SLC41A3: variants seen among roughly 807,000 people sequenced by gnomAD.
SLC41A3 encodes the protein solute carrier family 41 member 3.
SLC41A3 carries 44 observed loss-of-function variants against 45.4 expected under a neutral mutation model. That is an observed-to-expected ratio of 0.97 (90% confidence interval 0.76 to 1.25). SLC41A3 has a LOEUF of 1.25. Ranked by LOEUF, SLC41A3 falls within the 50% of genes most tolerant of loss-of-function variation. The pLI, the probability that SLC41A3 is intolerant of heterozygous loss-of-function variation, is 0.00. For synonymous variants in SLC41A3, 256 were observed against 252.4 expected, an observed-to-expected ratio of 1.01 and a Z score of -0.13; for missense variants, 550 against 600.6, an observed-to-expected ratio of 0.92 and a Z score of 0.88.
At chr3:126,028,608 A>T (rs1941555755) in intron 4 of SLC41A3, among the ~76,000 whole-genome samples, 1 of 152,246 alleles carries the variant, frequency 6.6e-6, no homozygotes, top group Non-Finnish European at 1.5e-5. Context: ...CCCCCCACAC[A>T]GTTCCCACTG....
intron 3 of SLC41A3, among the ~76,000 whole-genome samples, chr3:126,042,740 G>GA (rs1307605627): frequency 1.3e-5 from 2 of 152,048 alleles, no homozygotes; most frequent in Non-Finnish European, 2.9e-5. Context: ...TACTGGAACT[G>GA]AAAAACACAA....
At chr3:126,023,131 C>T in intron 5 of SLC41A3, 199 bp from the exon 6 acceptor site, 1 of 640,724 alleles carries the variant, frequency 1.6e-6, no homozygotes, top group Non-Finnish European at 2.6e-6. Context: ...TCCCACTACA[C>T]TGGAGGCCTG....
intron 5 of SLC41A3, chr3:126,024,122 G>A (rs1348215528): frequency 6.6e-6 from 1 of 152,220 alleles, no homozygotes; most frequent in East Asian, 1.9e-4. Flanking sequence ...ACTACCCTGA[G>A]GCTTCTGTGA....
At chr3:126,044,958 TA>T (rs1258535674) in intron 3 of SLC41A3, among the ~76,000 whole-genome samples, 1 of 63,562 alleles carries the variant, frequency 1.6e-5, no homozygotes, top group Non-Finnish European at 3.3e-5. Context: ...CACAAGGGAG[TA>T]AAACTAGAAA....
intron 2 of SLC41A3, among the ~76,000 whole-genome samples, chr3:126,055,594 T>A (rs1030714334): frequency 4.6e-5 from 7 of 152,202 alleles, no homozygotes; most frequent in Non-Finnish European, 1.0e-4. Flanking sequence ...TCTTGAAAGG[T>A]CCACAGCAGC....
At chr3:126,078,381 G>A (rs983750040) in intron 1 of SLC41A3, among the ~76,000 whole-genome samples, 1 of 152,188 alleles carries the variant, frequency 6.6e-6, no homozygotes, top group Non-Finnish European at 1.5e-5. Flanking sequence ...AGCTAGTGGA[G>A]AAGAAAGGAG....
At chr3:126,072,434 CAA>C (rs1944667605) in intron 1 of SLC41A3, among the ~76,000 whole-genome samples, 1 of 146,932 alleles carries the variant, frequency 6.8e-6, no homozygotes, top group Non-Finnish European at 1.5e-5. Flanking sequence ...ACAAAACTGA[CAA>C]TCCTTTATGT....
chr3:126,057,214 G>T (rs1576325866), intron 2 of SLC41A3: 4 of 961,060 alleles, frequency 4.2e-6, no homozygotes, highest in Non-Finnish European at 5.0e-6. Flanking sequence ...CAGCCAGGGG[G>T]TTCATGGCCA....
chr3:126,017,466 T>C (rs1940419817), intron 6 of SLC41A3, among the ~76,000 whole-genome samples: 1 of 152,206 alleles, frequency 6.6e-6, no homozygotes, highest in African/African-American at 2.4e-5. Flanking sequence ...TCTCATCTTC[T>C]CCACTGGCGA....
In SLC41A3 at chr3:126,056,879, T is replaced by C. The variant is rs1190987456; in HGVS notation, c.274-5829A>G. 6.0e-6 allele frequency: 7 copies of C among 1,161,408 alleles called. No homozygotes were observed. In the East Asian group the frequency reaches 1.9e-4, roughly 32 times the overall value. 71.9% of individuals were successfully genotyped at this position (1,161,408 alleles called of 1,614,324 possible). A position where few individuals can be genotyped will look rare whatever the true frequency, so the allele number is the denominator to read the frequency against. ...GGGACCTCCCTCTGCCAGTCTGCCATGGAGGCTCATGGTCCCTCTGCACCG... is the reference window on the plus strand; with the variant it reads ...GGGACCTCCCTCTGCCAGTCTGCCACGGAGGCTCATGGTCCCTCTGCACCG... On this transcript the variant is annotated intron_variant, in intron 2 of 10. Transcript: ENST00000360370.
intron 2 of SLC41A3, among the ~76,000 whole-genome samples, chr3:126,057,330 T>G (rs4546107): frequency 0.66 from 100,194 of 152,058 alleles, 33,268 homozygotes; most frequent in Middle Eastern, 0.72. Flanking sequence ...CAGCTACAAA[T>G]GTCAGACTGG....
intron 3 of SLC41A3, among the ~76,000 whole-genome samples, chr3:126,042,868 T>A (rs1430096455): frequency 6.6e-6 from 1 of 151,892 alleles, no homozygotes; most frequent in African/African-American, 2.4e-5. Context: ...CAAAAATAAA[T>A]AAGATTTAAG....
At chr3:126,066,201 A>G (rs1944339409) in intron 2 of SLC41A3, among the ~76,000 whole-genome samples, 1 of 152,222 alleles carries the variant, frequency 6.6e-6, no homozygotes. Context: ...AGATGTCCAC[A>G]TGGAGAGGAC....
chr3:126,084,286 C>G (rs1408000649), upstream of SLC41A3: 1 of 152,096 alleles, frequency 6.6e-6, no homozygotes, highest in South Asian at 2.1e-4. Context: ...CCGCCGGGGG[C>G]CCGGGGGGCT....
At chr3:126,022,751 G>A (rs750128400) in intron 6 of SLC41A3, 35 bp downstream of exon 6, 9 of 1,612,276 alleles carry the variant, frequency 5.6e-6, no homozygotes, top group East Asian at 2.2e-5. Context: ...CCCCTCCACG[G>A]AGCCTTTGTG....
At chr3:126,100,861 C>G (rs1395672567) in intron 1 of SLC41A3, among the ~76,000 whole-genome samples, 1 of 152,174 alleles carries the variant, frequency 6.6e-6, no homozygotes, top group Non-Finnish European at 1.5e-5. Flanking sequence ...TTTGACTCAC[C>G]ACCACTTTCC....
intron 1 of SLC41A3, among the ~76,000 whole-genome samples, chr3:126,092,270 T>C (rs1467031319): frequency 6.6e-6 from 1 of 152,202 alleles, no homozygotes; most frequent in East Asian, 1.9e-4. Flanking sequence ...GGAAAACCAT[T>C]TAAAGGCCTT....
At chr3:126,028,218 G>A (rs547293625) in intron 4 of SLC41A3, among the ~76,000 whole-genome samples, 1 of 152,186 alleles carries the variant, frequency 6.6e-6, no homozygotes, top group Non-Finnish European at 1.5e-5. Flanking sequence ...AGACCTTATT[G>A]GCAGCCCCTC....
intron 6 of SLC41A3, among the ~76,000 whole-genome samples, chr3:126,019,407 A>G (rs145713757): frequency 1.3e-5 from 2 of 152,314 alleles, no homozygotes; most frequent in Middle Eastern, 3.4e-3. Context: ...TTCGAACCAC[A>G]GCATTCCACC....
Sources: allele counts gnomAD v4.1 joint callset (sites outside exome capture counted in the v4.1 genomes callset), GRCh38; gene constraint gnomAD v4.1.1; transcripts MANE v1.5; gene names NCBI Gene and HGNC (gene_info 2026-07-23, HGNC 2026-07-21).